ETV1: variants seen among roughly 807,000 people sequenced by gnomAD.
ETV1 encodes ETS translocation variant 1.
In ETV1, 27 loss-of-function variants were observed where a neutral mutation model predicts 62.3. That is an observed-to-expected ratio of 0.43 (90% CI 0.32 to 0.60). ETV1 has a LOEUF of 0.60. Among genes scored for constraint, ETV1 ranks in the 20% least tolerant of loss-of-function variants. ETV1 has a pLI of 0.06. For missense variants in ETV1, 605 were observed against 605.8 expected (o/e 1.00, Z 0.01); for synonymous variants, 222 against 199.6 (o/e 1.11, Z -0.94).
At chr7:13,934,500 T>G (rs1387640966) in intron 8 of ETV1, among the ~76,000 whole-genome samples, 1 of 152,216 alleles carries the variant, frequency 6.6e-6, no homozygotes, top group Non-Finnish European at 1.5e-5. Flanking sequence ...GGCTGAGTTA[T>G]TTTTACAACG....
At chr7:13,982,389 C>A (rs1215797589) in intron 5 of ETV1, among the ~76,000 whole-genome samples, 2 of 151,880 alleles carry the variant, frequency 1.3e-5, no homozygotes, top group Non-Finnish European at 2.9e-5. Context: ...TTATTAGGAT[C>A]CTCTGGAAAA....
At chr7:13,912,053 T>C (rs899603473) in intron 9 of ETV1, among the ~76,000 whole-genome samples, 1 of 152,168 alleles carries the variant, frequency 6.6e-6, no homozygotes, top group Non-Finnish European at 1.5e-5. Flanking sequence ...AGCAGCTGCT[T>C]TGAGGCAAGC....
chr7:13,906,407 T>C, intron 12 of ETV1, 23 bp downstream of exon 12: 1 of 1,471,472 alleles, frequency 6.8e-7, no homozygotes, highest in Non-Finnish European at 9.1e-7. Context: ...CTGAGTGTCC[T>C]AATTAAAATC....
At chr7:13,917,920 T>C (rs915913768) in intron 9 of ETV1, among the ~76,000 whole-genome samples, 14 of 151,762 alleles carry the variant, frequency 9.2e-5, no homozygotes, top group Admixed American at 8.5e-4. Context: ...GCCGAGATCA[T>C]GCCACTGCAC....
intron 6 of ETV1, among the ~76,000 whole-genome samples, chr7:13,954,667 A>C (rs1034353265): frequency 6.6e-6 from 1 of 152,202 alleles, no homozygotes; most frequent in African/African-American, 2.4e-5. Flanking sequence ...CTGTAGTTTG[A>C]ATGGTCTTAA....
intron 6 of ETV1, among the ~76,000 whole-genome samples, chr7:13,951,952 G>C (rs1159750495): frequency 6.6e-6 from 1 of 152,130 alleles, no homozygotes; most frequent in Non-Finnish European, 1.5e-5. Context: ...CTGACTCGTA[G>C]AAACAGAGCT....
chr7:13,948,545 G>A (rs13244049), intron 6 of ETV1, among the ~76,000 whole-genome samples: 11,484 of 152,138 alleles, frequency 0.075, 541 homozygotes, highest in Non-Finnish European at 0.11. Flanking sequence ...ACAGCTCATG[G>A]GCCACATCCG....
chr7:13,919,926 A>T (rs974329070), intron 9 of ETV1, among the ~76,000 whole-genome samples: 1 of 152,106 alleles, frequency 6.6e-6, no homozygotes, highest in Non-Finnish European at 1.5e-5. Flanking sequence ...AGATCCAAAC[A>T]TGTATCTTTA....
At chr7:13,971,206 G>C (rs1304135374) in intron 6 of ETV1, among the ~76,000 whole-genome samples, 1 of 152,086 alleles carries the variant, frequency 6.6e-6, no homozygotes, top group Non-Finnish European at 1.5e-5. Flanking sequence ...CCTGACCTTA[G>C]GTGATCCGCC....
At chr7:13,959,825 G>A (rs964323397) in intron 6 of ETV1, among the ~76,000 whole-genome samples, 6 of 138,204 alleles carry the variant, frequency 4.3e-5, no homozygotes, top group Non-Finnish European at 7.7e-5. Context: ...AGAGGTTACA[G>A]TGAGCCAAGA....
At chr7:13,923,197 T>C (rs1275608555) in intron 9 of ETV1, among the ~76,000 whole-genome samples, 3 of 152,172 alleles carry the variant, frequency 2.0e-5, no homozygotes, top group Non-Finnish European at 4.4e-5. Flanking sequence ...AAAATAACCA[T>C]GTTGTTCTTG....
intron 6 of ETV1, among the ~76,000 whole-genome samples, chr7:13,975,291 G>A (rs76332268): frequency 0.09 from 13,649 of 151,938 alleles, 712 homozygotes; most frequent in South Asian, 0.19. Flanking sequence ...TCACACCTGT[G>A]ATCCCAGCAC....
intron 10 of ETV1, 25 bp downstream of exon 10, chr7:13,911,214 G>T (rs771692647): frequency 1.9e-6 from 3 of 1,555,866 alleles, no homozygotes; most frequent in East Asian, 4.5e-5. Flanking sequence ...GTATTTACAC[G>T]GAATTTCAGT....
intron 9 of ETV1, among the ~76,000 whole-genome samples, chr7:13,915,834 G>T (rs1478632461): frequency 6.6e-6 from 1 of 151,938 alleles, no homozygotes; most frequent in Admixed American, 6.6e-5. Flanking sequence ...CCAAAATAAG[G>T]ACATATATAT....
Position 13,900,750 on chromosome 7 carries a change from T to C in ETV1, c.1200A>G (p.Gly400=), listed in dbSNP as rs775186104. The change falls in exon 13 of 14, where the codon GGA becomes GGG. Residue 400 remains glycine, a synonymous_variant. Transcript: ENST00000430479. Reference sequence around the variant, plus strand: ...ATTAGCTGCTCACCTTTTGCATAATTCCTTTCTCATAGTAATAGCGGAGTG... The same window carrying C: ...ATTAGCTGCTCACCTTTTGCATAATCCCTTTCTCATAGTAATAGCGGAGTG... ...SRSLRYYYEK[G]IMQKVAGERY... is the part of the protein sequence containing the mutation. 8 of 1,606,264 alleles carry C rather than the reference T, an allele frequency of 5.0e-6. No individual in the cohort carries two copies. Among genetic ancestry groups the C allele is most frequent in the African/African-American group, 1.3e-5 (1 of 74,812 alleles).
chr7:13,903,944 A>G (rs1782699562), intron 12 of ETV1, among the ~76,000 whole-genome samples: 2 of 152,142 alleles, frequency 1.3e-5, no homozygotes, highest in Admixed American at 1.3e-4. Flanking sequence ...GTCTCACTCA[A>G]TATCATTTTA....
chr7:13,911,850 G>A (rs76251166), intron 9 of ETV1, among the ~76,000 whole-genome samples: 2 of 152,110 alleles, frequency 1.3e-5, no homozygotes, highest in Admixed American at 1.3e-4. Context: ...CCTGATATCT[G>A]CATTTATAAT....
intron 4 of ETV1, chr7:13,987,045 TA>T: frequency 5.0e-6 from 1 of 200,804 alleles, no homozygotes. Flanking sequence ...TAACTCTTGC[TA>T]AAATAGTAGT....
intron 9 of ETV1, among the ~76,000 whole-genome samples, chr7:13,920,344 A>G (rs951660838): frequency 1.3e-5 from 2 of 152,170 alleles, no homozygotes; most frequent in Non-Finnish European, 2.9e-5. Context: ...ACCAATGAGC[A>G]TTAATCATTA....
Sources: allele counts gnomAD v4.1 joint callset (sites outside exome capture counted in the v4.1 genomes callset), GRCh38; gene constraint gnomAD v4.1.1; transcripts MANE v1.5; gene names NCBI Gene and HGNC (gene_info 2026-07-23, HGNC 2026-07-21).